The following RAD51B variants were observed in gnomAD, a reference collection of about 807,000 sequenced individuals.
RAD51B encodes RAD51 paralog B, also known as DNA repair protein RAD51 homolog 2.
Under a neutral mutation model 42.2 loss-of-function variants are expected in RAD51B, and 38 were observed. The ratio of observed to expected loss-of-function variants is 0.90; its 90% CI spans 0.70 to 1.18. The LOEUF is 1.18. Ranked by LOEUF, RAD51B falls within the 50% of genes most tolerant of loss-of-function variation. RAD51B has a pLI of 0.00. For synonymous variants in RAD51B, 154 were observed against 145.2 expected (o/e 1.06, Z -0.43); for missense variants, 373 against 400.7 (o/e 0.93, Z 0.59).
At chr14:67,879,638 C>T (rs544958134) in intron 5 of RAD51B, among the ~76,000 whole-genome samples, 99 of 152,154 alleles carry the variant, frequency 6.5e-4, no homozygotes, top group Non-Finnish European at 1.1e-3. Context: ...AAAATAAATA[C>T]ATTTTTGACT....
chr14:68,148,230 T>C lies in RAD51B; in HGVS notation c.757-143654T>C, dbSNP rs190653470. On this transcript the variant is annotated intron_variant, in intron 7 of 10. Coordinates refer to ENST00000471583, the MANE Select transcript of RAD51B (RefSeq NM_133510.4). ...TACATTTGCTTATCCATTCATCTGTTGATGGATATTTTGGGTTCTTTCTAG... is the reference window on the plus strand; with the variant it reads ...TACATTTGCTTATCCATTCATCTGTCGATGGATATTTTGGGTTCTTTCTAG... Among the ~76,000 whole-genome samples, 249 of 152,368 alleles carry C rather than the reference T, an allele frequency of 1.6e-3. 5 individuals carry two copies. Among genetic ancestry groups the C allele is most frequent in the Admixed American group, 0.016 (247 of 15,308 alleles).
At chr14:68,354,118 T>A (rs2082845462) in intron 8 of RAD51B, among the ~76,000 whole-genome samples, 1 of 152,224 alleles carries the variant, frequency 6.6e-6, no homozygotes, top group South Asian at 2.1e-4. Context: ...GGAGCTATAG[T>A]CATATGGTCA....
chr14:68,505,799 C>A (rs916007150), intron 10 of RAD51B, among the ~76,000 whole-genome samples: 1 of 152,240 alleles, frequency 6.6e-6, no homozygotes, highest in South Asian at 2.1e-4. Flanking sequence ...GAAATCCGCC[C>A]GCCTCGGCCT....
chr14:68,247,581 G>A (rs1362651704), intron 7 of RAD51B, among the ~76,000 whole-genome samples: 1 of 152,196 alleles, frequency 6.6e-6, no homozygotes, highest in African/African-American at 2.4e-5. Context: ...GAACTTTCAT[G>A]AATATACTAA....
chr14:67,905,990 G>A (rs2043769668), intron 7 of RAD51B, among the ~76,000 whole-genome samples: 1 of 152,052 alleles, frequency 6.6e-6, no homozygotes, highest in Admixed American at 6.5e-5. Flanking sequence ...CAAGGGGAAT[G>A]CTTCAAGCTT....
At chr14:68,461,996 G>C (rs1480292370) in intron 9 of RAD51B, among the ~76,000 whole-genome samples, 1 of 152,180 alleles carries the variant, frequency 6.6e-6, no homozygotes, top group Admixed American at 6.5e-5. Flanking sequence ...CATTCTAGGA[G>C]CCCTCAGCTG....
At chr14:68,480,273 C>T (rs1883070760), downstream of RAD51B, among the ~76,000 whole-genome samples, 1 of 151,800 alleles carries the variant, frequency 6.6e-6, no homozygotes, top group South Asian at 2.1e-4. Flanking sequence ...GATGAAGTTT[C>T]ACCATGTTGG....
At chr14:68,163,421 T>C (rs568114491) in intron 7 of RAD51B, among the ~76,000 whole-genome samples, 2 of 152,340 alleles carry the variant, frequency 1.3e-5, no homozygotes, top group African/African-American at 4.8e-5. Flanking sequence ...CTGACTTGCT[T>C]TGATATCTCA....
At chr14:68,533,744 T>C (rs1887451879) in intron 10 of RAD51B, among the ~76,000 whole-genome samples, 1 of 152,238 alleles carries the variant, frequency 6.6e-6, no homozygotes, top group South Asian at 2.1e-4. Context: ...AATGTAGCCT[T>C]TCTGAGCAAT....
At chr14:68,354,299 C>A (rs2082852924) in intron 8 of RAD51B, among the ~76,000 whole-genome samples, 1 of 147,688 alleles carries the variant, frequency 6.8e-6, no homozygotes, top group Non-Finnish European at 1.5e-5. Flanking sequence ...TCACGGCAAC[C>A]TTCACCTCCC....
intron 9 of RAD51B, among the ~76,000 whole-genome samples, chr14:68,465,951 A>AAT (rs10691924): frequency 0.2 from 17,049 of 86,734 alleles, 1,569 homozygotes; most frequent in South Asian, 0.33. Context: ...AAAAAAAAAA[A>AAT]AAATAAATAA....
chr14:67,887,101 A>G lies in RAD51B; in HGVS notation c.653A>G (p.Lys218Arg), dbSNP rs1221215735. 10 of 1,594,982 alleles carry G rather than the reference A, an allele frequency of 6.3e-6. No homozygotes were observed. Among genetic ancestry groups the G allele is most frequent in the South Asian group, 1.1e-5 (1 of 89,790 alleles). ...ILDSVASVVRKEFDAQLQGNL... is the reference protein window; with the variant it reads ...ILDSVASVVRREFDAQLQGNL... ...GACTCTGTTGCTTCTGTGGTCAGAA[A>G]GGAGTTTGATGCACAACTTCAAGGC... Residue 218 changes from lysine (K) to arginine (R), a missense_variant, in exon 7 of 11, where the codon AAG becomes AGG. Physicochemically the swap from Lys to Arg is conservative, Grantham distance 26. Transcript: ENST00000471583.
At chr14:68,361,832 C>T (rs1465588967) in intron 8 of RAD51B, among the ~76,000 whole-genome samples, 4 of 152,114 alleles carry the variant, frequency 2.6e-5, no homozygotes, top group Non-Finnish European at 5.9e-5. Flanking sequence ...CCTGCCACCA[C>T]ATTCAGCTAA....
chr14:67,967,070 G>A (rs924613533), intron 7 of RAD51B, among the ~76,000 whole-genome samples: 1 of 152,140 alleles, frequency 6.6e-6, no homozygotes, highest in African/African-American at 2.4e-5. Context: ...GGAGGCGAAA[G>A]GCACTTCTTC....
intron 10 of RAD51B, chr14:68,562,714 T>G: frequency 1.0e-6 from 1 of 985,272 alleles, no homozygotes; most frequent in Admixed American, 6.1e-5. Context: ...GCCATTTGTT[T>G]CCCCACAGCT....
At chr14:68,647,362 TC>T (rs1402126912) in intron 10 of RAD51B, among the ~76,000 whole-genome samples, 1 of 152,232 alleles carries the variant, frequency 6.6e-6, no homozygotes, top group African/African-American at 2.4e-5. Flanking sequence ...GGAGAATGCC[TC>T]CCATTTTGTG....
At chr14:68,250,714 A>G (rs2080610553) in intron 7 of RAD51B, among the ~76,000 whole-genome samples, 2 of 152,194 alleles carry the variant, frequency 1.3e-5, no homozygotes, top group African/African-American at 2.4e-5. Flanking sequence ...TGAGGGCCTC[A>G]TACCTACATC....
At chr14:68,224,142 T>A (rs1376973423) in intron 7 of RAD51B, among the ~76,000 whole-genome samples, 1 of 152,196 alleles carries the variant, frequency 6.6e-6, no homozygotes, top group Non-Finnish European at 1.5e-5. Flanking sequence ...CAAATGACTT[T>A]GTTTTCCGGA....
In RAD51B at chr14:68,493,055, C is replaced by T. The variant is rs115637065; in HGVS notation, c.1036+24805C>T. ...TCCCTGAAGCAGAGCTGTCTCCCAG[C>T]GACACCGGAGATGAGGGGAGGGGTC... On this transcript the variant is annotated intron_variant, in intron 10 of 10. Coordinates refer to the RAD51B transcript ENST00000487270. 5.6e-3 allele frequency among the ~76,000 whole-genome samples: 845 copies of T among 152,194 alleles called. 6 individuals carry two copies. Among genetic ancestry groups the T allele is most frequent in the African/African-American group, 0.019 (803 of 41,514 alleles).
Sources: gnomAD v4.1 joint callset for allele counts (sites outside exome capture counted in the v4.1 genomes callset) on GRCh38, gnomAD v4.1.1 for gene constraint, MANE v1.5 for transcripts, NCBI Gene and HGNC (gene_info 2026-07-23, HGNC 2026-07-21) for gene names.